Variants in MAN1A1 observed in about 807,000 individuals in gnomAD.
MAN1A1 encodes mannosidase alpha class 1A member 1, also known as mannosyl-oligosaccharide 1,2-alpha-mannosidase IA.
A neutral mutation model predicts 70.8 loss-of-function variants in MAN1A1; 29 were observed. That is an observed-to-expected ratio of 0.41 (90% CI 0.31 to 0.56). The LOEUF is 0.56. Ranked by LOEUF, MAN1A1 falls within the 20% of genes least tolerant of loss-of-function variation. The pLI, the probability that MAN1A1 is intolerant of heterozygous loss-of-function variation, is 0.29. For missense variants in MAN1A1, 747 were observed against 841.3 expected (o/e 0.89, Z 1.39); for synonymous variants, 349 against 330.1 (o/e 1.06, Z -0.62).
At chr6:119,321,083 T>C (rs983633446) in intron 2 of MAN1A1, among the ~76,000 whole-genome samples, 1 of 152,238 alleles carries the variant, frequency 6.6e-6, no homozygotes, top group Admixed American at 6.5e-5. Flanking sequence ...TTCTCAAATG[T>C]AAAATTTTGG....
intron 5 of MAN1A1, among the ~76,000 whole-genome samples, chr6:119,285,043 C>T (rs1470188777): frequency 7.5e-6 from 1 of 133,782 alleles, no homozygotes; most frequent in Non-Finnish European, 1.7e-5. Flanking sequence ...CCTCAGGAAA[C>T]TTACAATCAT....
At chr6:119,242,300 T>G (rs1775034537) in intron 6 of MAN1A1, among the ~76,000 whole-genome samples, 1 of 152,148 alleles carries the variant, frequency 6.6e-6, no homozygotes, top group African/African-American at 2.4e-5. Flanking sequence ...AAATATAATT[T>G]TAGGGAGCAA....
intron 5 of MAN1A1, among the ~76,000 whole-genome samples, chr6:119,278,235 A>G (rs1477426658): frequency 6.6e-6 from 1 of 152,186 alleles, no homozygotes; most frequent in African/African-American, 2.4e-5. Context: ...ATCTATGCAG[A>G]TAAAATTCCA....
At chr6:119,280,096 A>G (rs947550464) in intron 5 of MAN1A1, among the ~76,000 whole-genome samples, 7 of 152,316 alleles carry the variant, frequency 4.6e-5, no homozygotes, top group African/African-American at 1.2e-4. Flanking sequence ...TTTCTTCTCA[A>G]CAACACTTAA....
intron 5 of MAN1A1, among the ~76,000 whole-genome samples, chr6:119,267,213 T>C (rs1235233992): frequency 6.6e-6 from 1 of 152,226 alleles, no homozygotes; most frequent in Non-Finnish European, 1.5e-5. Context: ...TACCATATGA[T>C]ACAGCAATAG....
chr6:119,271,887 A>G (rs1450082852), intron 5 of MAN1A1, among the ~76,000 whole-genome samples: 2 of 152,228 alleles, frequency 1.3e-5, no homozygotes, highest in Non-Finnish European at 2.9e-5. Context: ...TAAGGGCCTC[A>G]GATCACTACA....
chr6:119,342,813 C>T (rs922942366), intron 2 of MAN1A1, among the ~76,000 whole-genome samples: 2 of 152,212 alleles, frequency 1.3e-5, no homozygotes, highest in African/African-American at 4.8e-5. Context: ...AGAGCACACA[C>T]ATTTATAATT....
intron 4 of MAN1A1, among the ~76,000 whole-genome samples, chr6:119,293,733 T>C (rs1772117812): frequency 6.6e-6 from 1 of 152,126 alleles, no homozygotes; most frequent in Non-Finnish European, 1.5e-5. Flanking sequence ...ATTTAGACCC[T>C]TTAGTTAACT....
chr6:119,217,212 C>T (rs899843071), intron 6 of MAN1A1, among the ~76,000 whole-genome samples: 5 of 152,166 alleles, frequency 3.3e-5, no homozygotes, highest in African/African-American at 1.2e-4. Context: ...AAAAGTAACA[C>T]CTTAATGCTG....
At chr6:119,218,721 C>CTGAA (rs1244256889) in intron 6 of MAN1A1, among the ~76,000 whole-genome samples, 1 of 152,042 alleles carries the variant, frequency 6.6e-6, no homozygotes, top group Non-Finnish European at 1.5e-5. Context: ...TGGTCCTAGT[C>CTGAA]TGAATGAATG....
At chr6:119,280,458 T>C (rs988794081) in intron 5 of MAN1A1, among the ~76,000 whole-genome samples, 5 of 152,384 alleles carry the variant, frequency 3.3e-5, no homozygotes, top group Admixed American at 2.6e-4. Flanking sequence ...TTTCTCTTAT[T>C]CACTGTTGTT....
rs3823000 is a variant in MAN1A1 at position 119,293,984 on chromosome 6, T to G, written c.817-3221A>C. ...TACACAATAGCTGGTAACGCACTCATCAGACACTCAATAGACAGCTGTTGC... is the reference window on the plus strand; with the variant it reads ...TACACAATAGCTGGTAACGCACTCAGCAGACACTCAATAGACAGCTGTTGC... On this transcript the variant is annotated intron_variant, in intron 4 of 12. Coordinates refer to ENST00000368468, the MANE Select transcript of MAN1A1 (RefSeq NM_005907.4). Among the ~76,000 whole-genome samples the G allele has an allele frequency of 7.6e-3, 1,158 of 151,976 alleles. 11 individuals are homozygous for G. The highest frequency in any genetic ancestry group is 0.027 in the African/African-American group (1,102 of 41,448).
At chr6:119,266,260 T>C (rs909030409) in intron 5 of MAN1A1, among the ~76,000 whole-genome samples, 2 of 152,204 alleles carry the variant, frequency 1.3e-5, no homozygotes, top group Admixed American at 1.3e-4. Flanking sequence ...ATGAAGTTTA[T>C]GTGGAGAAGC....
chr6:119,349,725 G>A lies in MAN1A1; in HGVS notation c.-406C>T. ...CTGCGGGCGAATGGCAGCGAGTAGA[G>A]CAGCACGGTACACTCCGCCGCGGCC... On this transcript the variant is annotated 5_prime_UTR_variant, in exon 1 of 13. Transcript: ENST00000368468. The A allele has an allele frequency of 2.0e-6, 2 of 985,830 alleles. No homozygotes were observed. Among genetic ancestry groups the A allele is most frequent in the South Asian group, 4.7e-5 (1 of 21,300 alleles). The allele number at this position is 985,830 out of a possible 1,614,324, so 61.1% of individuals were successfully genotyped here.
chr6:119,291,391 T>C (rs1265250265), intron 4 of MAN1A1, among the ~76,000 whole-genome samples: 1 of 152,014 alleles, frequency 6.6e-6, no homozygotes, highest in African/African-American at 2.4e-5. Flanking sequence ...AACGGACTAA[T>C]GCAAGAGATA....
intron 2 of MAN1A1, among the ~76,000 whole-genome samples, chr6:119,332,167 A>T (rs1773335575): frequency 6.6e-6 from 1 of 152,214 alleles, no homozygotes; most frequent in South Asian, 2.1e-4. Flanking sequence ...TTACTGGCAT[A>T]CTTTTCACCA....
At chr6:119,343,099 T>A (rs1169345565) in intron 2 of MAN1A1, among the ~76,000 whole-genome samples, 2 of 150,900 alleles carry the variant, frequency 1.3e-5, no homozygotes, top group African/African-American at 4.9e-5. Flanking sequence ...AAAATTACTA[T>A]AATTGACTTA....
intron 5 of MAN1A1, among the ~76,000 whole-genome samples, chr6:119,286,402 C>G (rs1776375651): frequency 6.6e-6 from 1 of 152,128 alleles, no homozygotes; most frequent in Non-Finnish European, 1.5e-5. Context: ...TCTCTCCTCC[C>G]TACTCCACAA....
chr6:119,276,122 T>C (rs1776056975), intron 5 of MAN1A1, among the ~76,000 whole-genome samples: 1 of 152,208 alleles, frequency 6.6e-6, no homozygotes, highest in African/African-American at 2.4e-5. Flanking sequence ...TTCCTCTCTT[T>C]AGAATGTTAT....
Sources: allele counts gnomAD v4.1 joint callset (sites outside exome capture counted in the v4.1 genomes callset), GRCh38; gene constraint gnomAD v4.1.1; transcripts MANE v1.5; gene names NCBI Gene and HGNC (gene_info 2026-07-23, HGNC 2026-07-21).